TRMT9B: variants seen among roughly 807,000 people sequenced by gnomAD.
The protein encoded by TRMT9B is tRNA methyltransferase 9B (putative), also known as probable tRNA methyltransferase 9B.
TRMT9B carries 16 observed loss-of-function variants against 11.5 expected under a neutral mutation model. The ratio of observed to expected loss-of-function variants is 1.39; its 90% CI spans 0.94 to 2.11. The LOEUF is 2.11. TRMT9B is among the 30% of genes most tolerant of loss of function. The probability of loss-of-function intolerance (pLI) is 0.00; values close to 1 mark genes in which losing one functional copy is unlikely to be tolerated. For missense variants in TRMT9B, 941 were observed against 553.8 expected (o/e 1.70, Z -7.02); for synonymous variants, 274 against 192.4 (o/e 1.42, Z -3.51).
In TRMT9B at chr8:12,965,066, C is replaced by A. The variant is rs112413939; in HGVS notation, c.-200+19100C>A. On this transcript the variant is annotated intron_variant, in intron 1 of 4. Coordinates refer to ENST00000524591, the MANE Select transcript of TRMT9B (RefSeq NM_020844.3). The stretch of plus-strand genomic sequence containing the variant: ...AGTACAATTTGCTGCCACAGGAAAG[C>A]TTAAAATGTCAAACACATTCTTATA... 6.1e-3 allele frequency among the ~76,000 whole-genome samples: 923 copies of A among 152,312 alleles called. 11 individuals are homozygous for A. Among genetic ancestry groups the A allele is most frequent in the African/African-American group, 0.021 (872 of 41,570 alleles).
intron 3 of TRMT9B, among the ~76,000 whole-genome samples, chr8:13,008,836 C>T (rs549602929): frequency 2.6e-5 from 4 of 152,196 alleles, no homozygotes; most frequent in Non-Finnish European, 5.9e-5. Context: ...TCACGCCATT[C>T]TCCTGCCTCA....
At chr8:13,002,321 C>T (rs561582766) in intron 2 of TRMT9B, among the ~76,000 whole-genome samples, 5 of 152,198 alleles carry the variant, frequency 3.3e-5, no homozygotes, top group Admixed American at 1.3e-4. Context: ...TTCTCTAAAA[C>T]GTATTGCTTG....
intron 1 of TRMT9B, among the ~76,000 whole-genome samples, chr8:12,967,272 A>G (rs2977148): frequency 6.6e-6 from 1 of 152,216 alleles, no homozygotes; most frequent in African/African-American, 2.4e-5. Context: ...CATAGGTAAA[A>G]AGTCATGAAA....
chr8:12,979,851 T>A (rs578098746), intron 1 of TRMT9B, among the ~76,000 whole-genome samples: 1 of 152,318 alleles, frequency 6.6e-6, no homozygotes, highest in Non-Finnish European at 1.5e-5. Flanking sequence ...AAACATTTTC[T>A]GGAATACAGT....
chr8:12,973,766 G>A lies in TRMT9B; in HGVS notation c.-199-17068G>A, dbSNP rs536890124. Among the ~76,000 whole-genome samples, 3 of 152,276 alleles carry A rather than the reference G, an allele frequency of 2.0e-5. No individual in the cohort carries two copies. In the South Asian group the frequency reaches 6.2e-4, roughly 32 times the overall value. ...AAGCGTCTGCACAGAGCCAGTGAAAGATTCCATGAGATCCACAAAACACTT... is the reference window on the plus strand; with the variant it reads ...AAGCGTCTGCACAGAGCCAGTGAAAAATTCCATGAGATCCACAAAACACTT... On this transcript the variant is annotated intron_variant, in intron 1 of 4. Transcript: ENST00000524591.
chr8:12,972,451 G>C (rs1275529163), intron 1 of TRMT9B, among the ~76,000 whole-genome samples: 1 of 152,166 alleles, frequency 6.6e-6, no homozygotes, highest in Non-Finnish European at 1.5e-5. Flanking sequence ...AAAGAAACTG[G>C]AAACTAACCG....
intron 1 of TRMT9B, among the ~76,000 whole-genome samples, chr8:12,977,109 C>A (rs1481972644): frequency 1.3e-5 from 2 of 152,208 alleles, no homozygotes; most frequent in African/African-American, 4.8e-5. Flanking sequence ...AATGTCTACT[C>A]TATTGAATCC....
intron 1 of TRMT9B, chr8:12,951,751 G>T (rs1175887615): frequency 6.6e-6 from 1 of 151,968 alleles, no homozygotes. Flanking sequence ...GCGGTCTCCC[G>T]ACGGCTGTCG....
At chr8:13,000,904 A>G (rs1357323715) in intron 2 of TRMT9B, among the ~76,000 whole-genome samples, 1 of 152,180 alleles carries the variant, frequency 6.6e-6, no homozygotes, top group Non-Finnish European at 1.5e-5. Flanking sequence ...ATTCAAGGTT[A>G]GGAAATGAAG....
intron 3 of TRMT9B, chr8:13,011,235 C>G: frequency 1.1e-6 from 1 of 892,200 alleles, no homozygotes; most frequent in South Asian, 5.2e-5. Flanking sequence ...ATCCGCCCAC[C>G]ACAGCCTCCC....
chr8:12,986,099 T>C (rs1806257872), intron 1 of TRMT9B, among the ~76,000 whole-genome samples: 1 of 152,144 alleles, frequency 6.6e-6, no homozygotes, highest in African/African-American at 2.4e-5. Context: ...TGACCTCAGG[T>C]GATCTGCCTA....
chr8:13,028,330 G>C lies in TRMT9B; in HGVS notation c.*6286G>C, dbSNP rs1814946512. ...ATCTTCATTTGACAAATAAATACTAGAGCTGCAGAAAGTAAAGTTTACTCC... is the reference window on the plus strand; with the variant it reads ...ATCTTCATTTGACAAATAAATACTACAGCTGCAGAAAGTAAAGTTTACTCC... On this transcript the variant is annotated 3_prime_UTR_variant, in exon 5 of 5. Transcript: ENST00000524591. 2 of 166,966 alleles carry C rather than the reference G, an allele frequency of 1.2e-5. No homozygotes were observed. Among genetic ancestry groups the C allele is most frequent in the Non-Finnish European group, 1.5e-5 (1 of 68,112 alleles). The allele number at this position is 166,966 out of a possible 1,614,324, so 10.3% of individuals were successfully genotyped here. A position where few individuals can be genotyped will look rare whatever the true frequency, so the allele number is the denominator to read the frequency against.
chr8:12,956,118 C>G (rs1801272456), intron 1 of TRMT9B, among the ~76,000 whole-genome samples: 1 of 152,148 alleles, frequency 6.6e-6, no homozygotes, highest in Admixed American at 6.5e-5. Context: ...AACACTGTGC[C>G]CAGAACCCTA....
intron 1 of TRMT9B, among the ~76,000 whole-genome samples, chr8:12,966,178 A>G (rs964147774): frequency 3.9e-5 from 6 of 151,968 alleles, no homozygotes; most frequent in African/African-American, 1.5e-4. Flanking sequence ...GAAAGTGAAA[A>G]AAACAGTAGC....
intron 1 of TRMT9B, among the ~76,000 whole-genome samples, chr8:12,971,150 A>T (rs534859575): frequency 9.8e-5 from 15 of 152,362 alleles, no homozygotes; most frequent in African/African-American, 3.6e-4. Flanking sequence ...CTATTTTGAA[A>T]TAGACAATAA....
At chr8:12,998,092 T>C (rs930585860) in intron 2 of TRMT9B, among the ~76,000 whole-genome samples, 2 of 152,210 alleles carry the variant, frequency 1.3e-5, no homozygotes, top group Non-Finnish European at 2.9e-5. Flanking sequence ...AATTGTGTTG[T>C]CTTCTATTAC....
chr8:12,968,505 T>C (rs1452822465), intron 1 of TRMT9B, among the ~76,000 whole-genome samples: 2 of 152,208 alleles, frequency 1.3e-5, no homozygotes, highest in Non-Finnish European at 2.9e-5. Context: ...ATTACCAAAA[T>C]CCCTTAATGC....
Position 12,990,916 on chromosome 8 carries a change from C to T in TRMT9B, c.-117C>T, listed in dbSNP as rs1807223166. ...ATTTCATTTCACTCCTACAAGTTTTCATTTACGTTACACATTGAGAAAGTT... is the reference window on the plus strand; with the variant it reads ...ATTTCATTTCACTCCTACAAGTTTTTATTTACGTTACACATTGAGAAAGTT... On this transcript the variant is annotated 5_prime_UTR_variant, in exon 2 of 5. Transcript: ENST00000524591. 9 of 1,289,396 alleles carry T rather than the reference C, an allele frequency of 7.0e-6. No homozygotes were observed. The highest frequency in any genetic ancestry group is 9.1e-6 in the Non-Finnish European group (9 of 988,526). 79.9% of individuals were successfully genotyped at this position (1,289,396 alleles called of 1,614,324 possible).
At chr8:12,973,939 C>A (rs1255733195) in intron 1 of TRMT9B, among the ~76,000 whole-genome samples, 1 of 152,026 alleles carries the variant, frequency 6.6e-6, no homozygotes, top group Non-Finnish European at 1.5e-5. Context: ...ATGGGAGGAT[C>A]GCTTAAGGCC....
Sources: gnomAD v4.1 joint callset for allele counts (sites outside exome capture counted in the v4.1 genomes callset) on GRCh38, gnomAD v4.1.1 for gene constraint, MANE v1.5 for transcripts, NCBI Gene and HGNC (gene_info 2026-07-23, HGNC 2026-07-21) for gene names.